WIPF3: variants seen among roughly 807,000 people sequenced by gnomAD.
The protein encoded by WIPF3 is WAS/WASL interacting protein family member 3.
In WIPF3, 33 loss-of-function variants were observed where a neutral mutation model predicts 38.9. The ratio of observed to expected loss-of-function variants is 0.85; its 90% CI spans 0.64 to 1.14. The LOEUF is 1.14. Among genes scored for constraint, WIPF3 ranks in the 50% most tolerant of loss-of-function variants. WIPF3 has a pLI of 0.00. For missense variants in WIPF3, 711 were observed against 652.5 expected (o/e 1.09, Z -0.98); for synonymous variants, 324 against 269.3 (o/e 1.20, Z -1.99).
At chr7:29,898,198 T>A (rs1345344664) in intron 7 of WIPF3, among the ~76,000 whole-genome samples, 2 of 152,234 alleles carry the variant, frequency 1.3e-5, no homozygotes, top group Admixed American at 6.5e-5. Context: ...TTAGATTTTA[T>A]GACAGCTCTC....
chr7:29,900,470 AGAGACT>A (rs1786252326), intron 7 of WIPF3, among the ~76,000 whole-genome samples: 2 of 152,294 alleles, frequency 1.3e-5, no homozygotes, highest in Non-Finnish European at 1.5e-5. Flanking sequence ...GACCTCTCTC[AGAGACT>A]GAGCGGGCTC....
At chr7:29,905,698 C>T (rs1317168438) in intron 8 of WIPF3, 1 of 152,112 alleles carries the variant, frequency 6.6e-6, no homozygotes, top group African/African-American at 2.4e-5. Context: ...CTTCTGATCA[C>T]AGAGGTACAA....
At chr7:29,899,424 A>G (rs1448069595) in intron 7 of WIPF3, among the ~76,000 whole-genome samples, 1 of 152,204 alleles carries the variant, frequency 6.6e-6, no homozygotes, top group Non-Finnish European at 1.5e-5. Flanking sequence ...TTTACCTGCT[A>G]CTTGTCTGCC....
intron 2 of WIPF3, among the ~76,000 whole-genome samples, chr7:29,846,629 A>G (rs1308928195): frequency 6.6e-6 from 1 of 152,226 alleles, no homozygotes; most frequent in Non-Finnish European, 1.5e-5. Context: ...TGAACCTGGG[A>G]GGCGGAGGTT....
At chr7:29,886,382 A>C (rs1418747280) in intron 5 of WIPF3, among the ~76,000 whole-genome samples, 2 of 105,912 alleles carry the variant, frequency 1.9e-5, no homozygotes. Context: ...TTTGAGACAC[A>C]GTTTCACTCT....
chr7:29,862,415 G>A (rs573065927), intron 2 of WIPF3, among the ~76,000 whole-genome samples: 33 of 152,124 alleles, frequency 2.2e-4, no homozygotes, highest in Non-Finnish European at 3.8e-4. Flanking sequence ...TGGGATAGTC[G>A]GCAAGGATGG....
intron 7 of WIPF3, 78 bp downstream of exon 7, chr7:29,889,485 C>A: frequency 1.9e-6 from 2 of 1,050,912 alleles, no homozygotes; most frequent in Non-Finnish European, 2.9e-6. Context: ...CAGTTGGTCA[C>A]AGACTGTCTA....
At chr7:29,838,592 A>G (rs1001736025) in intron 2 of WIPF3, among the ~76,000 whole-genome samples, 29 of 152,142 alleles carry the variant, frequency 1.9e-4, no homozygotes, top group Admixed American at 9.2e-4. Context: ...GAAGAAAATG[A>G]CAAATGTTGG....
Position 29,806,540 on chromosome 7 carries a change from G to A in WIPF3, c.-196G>A, listed in dbSNP as rs1784280317. On this transcript the variant is annotated 5_prime_UTR_variant, in exon 1 of 9. Coordinates refer to ENST00000242140, the MANE Select transcript of WIPF3 (RefSeq NM_001080529.3). ...CCGGTGGCCGGGGAGCGAGCCGGGC[G>A]CACCGAGCGCAGCTCGGCGGTAGCG... 1 of 151,326 alleles carries A rather than the reference G, an allele frequency of 6.6e-6. No individual in the cohort carries two copies. The allele number at this position is 151,326 out of a possible 1,614,324, so 9.4% of individuals were successfully genotyped here. A position where few individuals can be genotyped will look rare whatever the true frequency, so the allele number is the denominator to read the frequency against.
At chr7:29,841,766 C>A (rs1018303840) in intron 2 of WIPF3, among the ~76,000 whole-genome samples, 2 of 152,114 alleles carry the variant, frequency 1.3e-5, no homozygotes, top group African/African-American at 4.8e-5. Flanking sequence ...GAACCAAGAT[C>A]ACACCACTGC....
intron 1 of WIPF3, among the ~76,000 whole-genome samples, chr7:29,812,530 G>A (rs1248577278): frequency 3.9e-5 from 6 of 152,218 alleles, no homozygotes; most frequent in African/African-American, 1.4e-4. Context: ...GGTGCAAATA[G>A]ATAAAGGAAT....
At chr7:29,909,090 T>C (rs1432745572) in intron 8 of WIPF3, among the ~76,000 whole-genome samples, 1 of 152,050 alleles carries the variant, frequency 6.6e-6, no homozygotes, top group Non-Finnish European at 1.5e-5. Context: ...TATAAAACAC[T>C]TGGAGATTAA....
At chr7:29,906,386 T>C (rs1429035726) in intron 8 of WIPF3, among the ~76,000 whole-genome samples, 3 of 151,556 alleles carry the variant, frequency 2.0e-5, no homozygotes, top group Non-Finnish European at 2.9e-5. Context: ...ATACAACAAA[T>C]GAAATGAAAA....
intron 1 of WIPF3, among the ~76,000 whole-genome samples, chr7:29,827,884 TC>T (rs1305515260): frequency 3.3e-5 from 5 of 152,094 alleles, no homozygotes; most frequent in Non-Finnish European, 7.4e-5. Context: ...AGCCTTGACT[TC>T]CCCAGGCTCA....
rs2301922 is a variant in WIPF3 at position 29,875,977 on chromosome 7, G to T, written c.223+15G>T. The T allele has an allele frequency of 2.5e-6, 4 of 1,611,062 alleles. No homozygotes were observed. In the African/African-American group the frequency reaches 4.0e-5, roughly 16 times the overall value. On this transcript the variant is annotated intron_variant, in intron 3 of 8. Transcript: ENST00000242140. ...GCAGATCGAGAGTAAGTGAGCAGCCGGGCCAGGCCTCCTGTGAGCCAAAGA... is the reference window on the plus strand; with the variant it reads ...GCAGATCGAGAGTAAGTGAGCAGCCTGGCCAGGCCTCCTGTGAGCCAAAGA...
At chr7:29,811,478 G>A (rs1403824999) in intron 1 of WIPF3, among the ~76,000 whole-genome samples, 1 of 152,158 alleles carries the variant, frequency 6.6e-6, no homozygotes, top group Admixed American at 6.6e-5. Context: ...ATAAGTTGTG[G>A]ATAGTTTCCA....
intron 2 of WIPF3, among the ~76,000 whole-genome samples, chr7:29,861,188 C>T (rs1030594742): frequency 1.3e-5 from 2 of 152,094 alleles, no homozygotes; most frequent in African/African-American, 4.8e-5. Context: ...TCTGGATTTC[C>T]CCCTACTCTG....
At chr7:29,831,897 A>G (rs1784729145) in intron 1 of WIPF3, among the ~76,000 whole-genome samples, 2 of 152,222 alleles carry the variant, frequency 1.3e-5, no homozygotes, top group African/African-American at 4.8e-5. Context: ...CCTAGCTGCA[A>G]GGGAGGCTGG....
intron 2 of WIPF3, among the ~76,000 whole-genome samples, chr7:29,854,490 C>G (rs1785155397): frequency 6.6e-6 from 1 of 152,148 alleles, no homozygotes; most frequent in Non-Finnish European, 1.5e-5. Context: ...ACATTTAACA[C>G]TTGTTTGACT....
Sources: gnomAD v4.1 joint callset for allele counts (sites outside exome capture counted in the v4.1 genomes callset) on GRCh38, gnomAD v4.1.1 for gene constraint, MANE v1.5 for transcripts, NCBI Gene and HGNC (gene_info 2026-07-23, HGNC 2026-07-21) for gene names.